The following DPY19L3 variants were observed in gnomAD, a reference collection of about 807,000 sequenced individuals.
DPY19L3 encodes the protein protein C-mannosyl-transferase DPY19L3.
A neutral mutation model predicts 92.3 loss-of-function variants in DPY19L3; 51 were observed. That is an observed-to-expected ratio of 0.55 (90% CI 0.44 to 0.70). The LOEUF (loss-of-function observed/expected upper bound fraction) is 0.70. Among genes scored for constraint, DPY19L3 ranks in the 30% least tolerant of loss-of-function variants. The probability of loss-of-function intolerance (pLI) is 0.00; values close to 1 mark genes in which losing one functional copy is unlikely to be tolerated. For synonymous variants in DPY19L3, 309 were observed against 315.2 expected, an observed-to-expected ratio of 0.98 and a Z score of 0.21; for missense variants, 706 against 855.9, an observed-to-expected ratio of 0.82 and a Z score of 2.18.
At chr19:32,449,010 T>C (rs1160160985) in intron 8 of DPY19L3, among the ~76,000 whole-genome samples, 1 of 152,176 alleles carries the variant, frequency 6.6e-6, no homozygotes, top group African/African-American at 2.4e-5. Flanking sequence ...TAAAAAGAAC[T>C]GTAAACATCA....
At position 32,439,760 on chromosome 19, in the gene DPY19L3, G is replaced by A. The variant is rs1357470309; in HGVS notation, c.721-16G>A. 6.2e-7 allele frequency: 1 copy of A among 1,609,746 alleles called. No homozygotes were observed. Among genetic ancestry groups the A allele is most frequent in the Admixed American group, 1.7e-5 (1 of 58,752 alleles). ...ACTAGAGACATGTAAATTATACAAAGGTTTTCTTTTTACAGAGGCTGACAC... is the reference window on the plus strand; with the variant it reads ...ACTAGAGACATGTAAATTATACAAAAGTTTTCTTTTTACAGAGGCTGACAC... On this transcript the variant is annotated splice_polypyrimidine_tract_variant and intron_variant, in intron 7 of 18. Coordinates refer to ENST00000392250, the MANE Select transcript of DPY19L3 (RefSeq NM_001172774.2).
intron 3 of DPY19L3, among the ~76,000 whole-genome samples, chr19:32,415,029 T>C (rs531627267): frequency 6.6e-6 from 1 of 152,328 alleles, no homozygotes; most frequent in African/African-American, 2.4e-5. Context: ...TTTTCCAGTA[T>C]AGTAAGTGAA....
chr19:32,438,306 G>C (rs1460963326), intron 6 of DPY19L3, among the ~76,000 whole-genome samples: 11 of 152,004 alleles, frequency 7.2e-5, no homozygotes, highest in Admixed American at 7.2e-4. Context: ...TTTACAATAT[G>C]TGTTATATGG....
intron 3 of DPY19L3, among the ~76,000 whole-genome samples, chr19:32,428,317 AT>A (rs1421751659): frequency 5.9e-5 from 9 of 151,932 alleles, no homozygotes; most frequent in African/African-American, 9.7e-5. Context: ...TTTTTTAAAC[AT>A]GAGTTGTTTT....
intron 3 of DPY19L3, among the ~76,000 whole-genome samples, chr19:32,415,339 A>G (rs187798582): frequency 1.3e-5 from 2 of 152,190 alleles, no homozygotes; most frequent in Admixed American, 1.3e-4. Context: ...TTAACCAGGC[A>G]AGTTGGGGAG....
chr19:32,444,028 C>CT (rs1358645183), intron 8 of DPY19L3, among the ~76,000 whole-genome samples: 1 of 121,656 alleles, frequency 8.2e-6, no homozygotes, highest in East Asian at 2.3e-4. Context: ...GAGCAAGACT[C>CT]TGTCTCAAAA....
intron 15 of DPY19L3, among the ~76,000 whole-genome samples, chr19:32,466,255 A>G (rs1970197000): frequency 6.6e-6 from 1 of 152,192 alleles, no homozygotes; most frequent in African/African-American, 2.4e-5. Context: ...CCTCAGATAA[A>G]CAGCATCAGC....
At chr19:32,437,445 G>A (rs890231525) in intron 6 of DPY19L3, 106 bp downstream of exon 6, 2 of 1,354,632 alleles carry the variant, frequency 1.5e-6, no homozygotes, top group African/African-American at 1.5e-5. Flanking sequence ...TGTTTGGTTG[G>A]GAGCAGTTTC....
chr19:32,479,766 T>G (rs1173703287), intron 17 of DPY19L3, among the ~76,000 whole-genome samples: 1 of 152,196 alleles, frequency 6.6e-6, no homozygotes, highest in Admixed American at 6.5e-5. Context: ...GGTATGAACG[T>G]GAAGGGGGCC....
At chr19:32,417,651 G>A (rs909488835) in intron 3 of DPY19L3, among the ~76,000 whole-genome samples, 10 of 152,132 alleles carry the variant, frequency 6.6e-5, no homozygotes, top group Admixed American at 2.6e-4. Context: ...GGAGTTCCCC[G>A]TCACACACTG....
Position 32,482,409 on chromosome 19 carries a change from C to T in DPY19L3, c.*169C>T, listed in dbSNP as rs190657835. ...TTGCCATCTTTGAAAGCATCTTCTACAAGCAGAAGTCTTTTTCGTTGTGTG... is the reference window on the plus strand; with the variant it reads ...TTGCCATCTTTGAAAGCATCTTCTATAAGCAGAAGTCTTTTTCGTTGTGTG... On this transcript the variant is annotated 3_prime_UTR_variant, in exon 19 of 19. Transcript: ENST00000392250. 31 of 701,146 alleles carry T rather than the reference C, an allele frequency of 4.4e-5. No homozygotes were observed. Among genetic ancestry groups the T allele is most frequent in the African/African-American group, 4.3e-4 (24 of 55,726 alleles). The allele number at this position is 701,146 out of a possible 1,614,324, so 43.4% of individuals were successfully genotyped here. A position where few individuals can be genotyped will look rare whatever the true frequency, so the allele number is the denominator to read the frequency against.
chr19:32,449,914 A>T (rs536986936), intron 8 of DPY19L3, among the ~76,000 whole-genome samples: 1 of 152,334 alleles, frequency 6.6e-6, no homozygotes, highest in Admixed American at 6.5e-5. Context: ...GATTAATTGG[A>T]CTTCATCAAA....
intron 8 of DPY19L3, among the ~76,000 whole-genome samples, chr19:32,443,215 G>A (rs1410913818): frequency 6.6e-6 from 1 of 152,182 alleles, no homozygotes; most frequent in Non-Finnish European, 1.5e-5. Flanking sequence ...CCTTCACCCA[G>A]CAATAAGGAA....
intron 12 of DPY19L3, among the ~76,000 whole-genome samples, chr19:32,460,497 G>A (rs1226527510): frequency 6.6e-6 from 1 of 152,168 alleles, no homozygotes; most frequent in East Asian, 1.9e-4. Context: ...AGGACTGGAA[G>A]TTTTTCTGTG....
At chr19:32,470,867 T>A (rs1048840055) in intron 16 of DPY19L3, among the ~76,000 whole-genome samples, 20 of 149,984 alleles carry the variant, frequency 1.3e-4, no homozygotes, top group Middle Eastern at 7.1e-3. Context: ...TGATCTAGTC[T>A]CAGCTTTTTC....
chr19:32,459,525 G>T (rs1255633722), intron 12 of DPY19L3, among the ~76,000 whole-genome samples: 1 of 152,184 alleles, frequency 6.6e-6, no homozygotes, highest in African/African-American at 2.4e-5. Flanking sequence ...CTATCCTTGA[G>T]AAGTGTTCTT....
intron 15 of DPY19L3, chr19:32,467,557 TA>T: frequency 1.0e-6 from 1 of 987,600 alleles, no homozygotes; most frequent in Non-Finnish European, 1.2e-6. Flanking sequence ...GAATGAGCAG[TA>T]AAAATGGCCA....
intron 10 of DPY19L3, among the ~76,000 whole-genome samples, chr19:32,457,889 A>G (rs1969916335): frequency 6.6e-6 from 1 of 152,218 alleles, no homozygotes; most frequent in Admixed American, 6.5e-5. Flanking sequence ...ATAAAGGATT[A>G]TGCTAAAAAG....
intron 3 of DPY19L3, among the ~76,000 whole-genome samples, chr19:32,432,341 A>G (rs560032448): frequency 6.6e-6 from 1 of 152,324 alleles, no homozygotes; most frequent in Admixed American, 6.5e-5. Flanking sequence ...GAATAAAATG[A>G]AAATGATTGA....
Sources: allele counts gnomAD v4.1 joint callset (sites outside exome capture counted in the v4.1 genomes callset), GRCh38; gene constraint gnomAD v4.1.1; transcripts MANE v1.5; gene names NCBI Gene and HGNC (gene_info 2026-07-23, HGNC 2026-07-21).